SUPT3H: variants seen among roughly 807,000 people sequenced by gnomAD.
SUPT3H encodes transcription initiation protein SPT3 homolog.
A neutral mutation model predicts 44.3 loss-of-function variants in SUPT3H; 44 were observed. The observed-to-expected ratio is 0.99, with a 90% confidence interval of 0.78 to 1.28. The LOEUF is 1.28. SUPT3H is among the 50% of genes most tolerant of loss of function. The probability of loss-of-function intolerance (pLI) is 0.00; values close to 1 mark genes in which losing one functional copy is unlikely to be tolerated. For synonymous variants in SUPT3H, 124 were observed against 125.6 expected, an observed-to-expected ratio of 0.99 and a Z score of 0.09; for missense variants, 380 against 387.1, an observed-to-expected ratio of 0.98 and a Z score of 0.15.
intron 2 of SUPT3H, chr6:45,197,623 TG>T: frequency 2.9e-6 from 1 of 348,642 alleles, no homozygotes; most frequent in Non-Finnish European, 5.7e-6. Context: ...ACAAAAGTTT[TG>T]TGGTATTTGC....
At chr6:44,957,728 C>T (rs914851752) in intron 7 of SUPT3H, among the ~76,000 whole-genome samples, 4 of 151,260 alleles carry the variant, frequency 2.6e-5, no homozygotes, top group Non-Finnish European at 2.9e-5. Flanking sequence ...ACCTAGAATA[C>T]TGCCTGGCAT....
intron 3 of SUPT3H, among the ~76,000 whole-genome samples, chr6:45,025,052 T>C (rs1785749236): frequency 6.6e-6 from 1 of 152,192 alleles, no homozygotes; most frequent in Non-Finnish European, 1.5e-5. Flanking sequence ...TGCATAATTA[T>C]AATTTATTAT....
intron 2 of SUPT3H, among the ~76,000 whole-genome samples, chr6:45,272,396 T>C (rs375729905): frequency 6.6e-6 from 1 of 152,324 alleles, no homozygotes; most frequent in South Asian, 2.1e-4. Flanking sequence ...CGAGATCTGA[T>C]GGTTTGATAA....
chr6:45,102,945 A>G (rs1239019588), intron 3 of SUPT3H, among the ~76,000 whole-genome samples: 1 of 151,876 alleles, frequency 6.6e-6, no homozygotes, highest in Admixed American at 6.6e-5. Context: ...TCTCAAAAAA[A>G]AGAAAAAAAA....
intron 2 of SUPT3H, among the ~76,000 whole-genome samples, chr6:45,148,476 G>T (rs1806438578): frequency 6.6e-6 from 1 of 152,150 alleles, no homozygotes; most frequent in African/African-American, 2.4e-5. Context: ...GCTTATGAGT[G>T]ACTTCATCCA....
chr6:45,163,646 AT>A (rs1809388806), intron 2 of SUPT3H, among the ~76,000 whole-genome samples: 1 of 152,162 alleles, frequency 6.6e-6, no homozygotes, highest in African/African-American at 2.4e-5. Context: ...GCTCATTGCT[AT>A]AACCAAGGAC....
chr6:45,002,324 T>C (rs1167558081), intron 6 of SUPT3H, among the ~76,000 whole-genome samples: 2 of 152,042 alleles, frequency 1.3e-5, no homozygotes, highest in East Asian at 3.9e-4. Flanking sequence ...CTTCTCTTCT[T>C]GATTGTGGAA....
chr6:44,992,202 T>C (rs1780701622), intron 6 of SUPT3H, among the ~76,000 whole-genome samples: 1 of 152,202 alleles, frequency 6.6e-6, no homozygotes, highest in South Asian at 2.1e-4. Flanking sequence ...TTGAAAAGTA[T>C]TTTTTAAAAG....
intron 10 of SUPT3H, among the ~76,000 whole-genome samples, chr6:44,853,485 A>T (rs1182399908): frequency 6.6e-6 from 1 of 152,172 alleles, no homozygotes; most frequent in Non-Finnish European, 1.5e-5. Flanking sequence ...CATAGTGGGA[A>T]ACCAACTCTA....
chr6:44,948,420 C>T (rs1258864078), intron 9 of SUPT3H, among the ~76,000 whole-genome samples: 4 of 152,098 alleles, frequency 2.6e-5, no homozygotes, highest in South Asian at 4.1e-4. Context: ...AGCTTCTGCA[C>T]AGCAAAAGAA....
intron 3 of SUPT3H, among the ~76,000 whole-genome samples, chr6:45,055,939 A>G (rs143902618): frequency 0.018 from 2,668 of 152,288 alleles, 50 homozygotes; most frequent in South Asian, 0.086. Flanking sequence ...ACAAAGGACT[A>G]ATATCCAGAA....
In SUPT3H at chr6:45,316,116, C is replaced by G. The variant is rs191807753; in HGVS notation, c.101+49085G>C. On this transcript the variant is annotated intron_variant, in intron 2 of 10. Coordinates refer to ENST00000371459, the MANE Select transcript of SUPT3H (RefSeq NM_003599.4). ...GTATGTTCTCACTGATATGTGGGAA[C>G]TAAGCTATGAGGACACAAAGGCGTA... Among the ~76,000 whole-genome samples, 266 of 152,224 alleles carry G rather than the reference C, an allele frequency of 1.7e-3. 3 individuals carry two copies. The highest frequency in any genetic ancestry group is 6.3e-3 in the African/African-American group (260 of 41,558).
intron 2 of SUPT3H, among the ~76,000 whole-genome samples, chr6:45,295,218 AAAAC>A (rs922043473): frequency 1.3e-5 from 2 of 152,118 alleles, no homozygotes; most frequent in African/African-American, 4.8e-5. Flanking sequence ...ATCTTTGAAA[AAAAC>A]AAACAAACAA....
intron 10 of SUPT3H, among the ~76,000 whole-genome samples, chr6:44,903,962 C>G (rs1274474335): frequency 6.6e-6 from 1 of 152,126 alleles, no homozygotes; most frequent in Admixed American, 6.5e-5. Flanking sequence ...CAGAAAAGGC[C>G]TTTGACAAAA....
intron 2 of SUPT3H, among the ~76,000 whole-genome samples, chr6:45,321,569 C>T (rs768670473): frequency 1.3e-5 from 2 of 152,042 alleles, no homozygotes; most frequent in Non-Finnish European, 2.9e-5. Context: ...TCCATAGTAT[C>T]GTCGCAATCC....
At chr6:45,137,069 A>T (rs562669927) in intron 2 of SUPT3H, among the ~76,000 whole-genome samples, 2 of 152,266 alleles carry the variant, frequency 1.3e-5, no homozygotes, top group Non-Finnish European at 2.9e-5. Flanking sequence ...CTCATTTTTT[A>T]AAAAGTGAAG....
At chr6:44,821,148 G>A (rs990386712) in intron 11 of SUPT3H, among the ~76,000 whole-genome samples, 10 of 152,080 alleles carry the variant, frequency 6.6e-5, no homozygotes, top group African/African-American at 1.9e-4. Context: ...ACTGTGGCCC[G>A]GTCTGAGAAA....
At chr6:45,362,529 A>G (rs1794443863) in intron 2 of SUPT3H, among the ~76,000 whole-genome samples, 1 of 152,214 alleles carries the variant, frequency 6.6e-6, no homozygotes, top group Non-Finnish European at 1.5e-5. Context: ...TATACAATCA[A>G]AAGCCTAAAA....
At chr6:44,931,395 G>T in intron 10 of SUPT3H, among the ~76,000 whole-genome samples, 1 of 150,726 alleles carries the variant, frequency 6.6e-6, no homozygotes, top group Non-Finnish European at 1.5e-5. Flanking sequence ...ACTCTCAGTT[G>T]GTTTTTAAAT....
Sources: allele counts gnomAD v4.1 joint callset (sites outside exome capture counted in the v4.1 genomes callset), GRCh38; gene constraint gnomAD v4.1.1; transcripts MANE v1.5; gene names NCBI Gene and HGNC (gene_info 2026-07-23, HGNC 2026-07-21).